Variants in GRIA1 observed in about 807,000 individuals in gnomAD.
GRIA1 encodes the protein glutamate receptor 1.
GRIA1 carries 31 observed loss-of-function variants against 99.2 expected under a neutral mutation model. The observed-to-expected ratio is 0.31, with a 90% CI of 0.23 to 0.42. The LOEUF (loss-of-function observed/expected upper bound fraction) is 0.42. Ranked by LOEUF, GRIA1 falls within the 10% of genes least tolerant of loss-of-function variation. The pLI is 1.00. For synonymous variants in GRIA1, 438 were observed against 432.4 expected (o/e 1.01, Z -0.16); for missense variants, 782 against 1,157.5 (o/e 0.68, Z 4.71).
At chr5:153,586,185 T>C (rs934108023) in intron 2 of GRIA1, among the ~76,000 whole-genome samples, 1 of 152,208 alleles carries the variant, frequency 6.6e-6, no homozygotes, top group African/African-American at 2.4e-5. Context: ...GTTGTAATTC[T>C]TTTACCCTCC....
At chr5:153,767,578 C>T (rs1763598436) in intron 12 of GRIA1, among the ~76,000 whole-genome samples, 1 of 152,134 alleles carries the variant, frequency 6.6e-6, no homozygotes, top group Non-Finnish European at 1.5e-5. Flanking sequence ...ATAATTATCC[C>T]ACCAGGAGTT....
At chr5:153,514,377 GA>G (rs777072877) in intron 2 of GRIA1, among the ~76,000 whole-genome samples, 18 of 152,174 alleles carry the variant, frequency 1.2e-4, no homozygotes, top group Non-Finnish European at 2.4e-4. Flanking sequence ...TAAGGGATGA[GA>G]AAACGGTCCA....
intron 5 of GRIA1, among the ~76,000 whole-genome samples, chr5:153,663,142 C>T (rs140617549): frequency 2.3e-4 from 35 of 152,286 alleles, no homozygotes; most frequent in African/African-American, 7.9e-4. Flanking sequence ...TATTCACCCC[C>T]ATCCTCTGAG....
intron 13 of GRIA1, among the ~76,000 whole-genome samples, chr5:153,774,924 C>T (rs1764118638): frequency 6.6e-6 from 1 of 152,172 alleles, no homozygotes; most frequent in African/African-American, 2.4e-5. Flanking sequence ...GTGGTTCAAT[C>T]CTTGATTTTC....
At chr5:153,550,645 T>G (rs2113539314) in intron 2 of GRIA1, among the ~76,000 whole-genome samples, 1 of 152,310 alleles carries the variant, frequency 6.6e-6, no homozygotes. Flanking sequence ...GCTTAGCATC[T>G]TCATTTTGCT....
intron 11 of GRIA1, among the ~76,000 whole-genome samples, chr5:153,722,487 TGA>T (rs1380500895): frequency 1.3e-5 from 2 of 152,178 alleles, no homozygotes; most frequent in Non-Finnish European, 2.9e-5. Flanking sequence ...TAGGTATGTG[TGA>T]GAGAGAGGGT....
At chr5:153,809,176 A>G (rs1288727429) in intron 15 of GRIA1, among the ~76,000 whole-genome samples, 1 of 152,210 alleles carries the variant, frequency 6.6e-6, no homozygotes, top group Non-Finnish European at 1.5e-5. Context: ...TATAAATAAA[A>G]TGTTATTTTC....
chr5:153,525,614 C>T (rs1256563930), intron 2 of GRIA1: 1 of 151,996 alleles, frequency 6.6e-6, no homozygotes, highest in Non-Finnish European at 1.5e-5. Flanking sequence ...CCTGGATGGG[C>T]TACTCAGAGT....
intron 15 of GRIA1, among the ~76,000 whole-genome samples, chr5:153,805,857 T>G (rs1287383554): frequency 6.6e-6 from 1 of 152,206 alleles, no homozygotes; most frequent in African/African-American, 2.4e-5. Flanking sequence ...ATCATTAATA[T>G]AATGTCTTCC....
chr5:153,758,168 T>C (rs1290806090), intron 11 of GRIA1, among the ~76,000 whole-genome samples: 1 of 151,940 alleles, frequency 6.6e-6, no homozygotes, highest in Non-Finnish European at 1.5e-5. Context: ...TTTTTGAAAC[T>C]AGAAAACATG....
chr5:153,749,138 G>T (rs960884667), intron 11 of GRIA1, among the ~76,000 whole-genome samples: 2 of 152,282 alleles, frequency 1.3e-5, no homozygotes, highest in South Asian at 4.1e-4. Context: ...ACCCAGGAGA[G>T]AGTGGGGCCT....
At chr5:153,772,583 G>T (rs1763952708) in intron 13 of GRIA1, among the ~76,000 whole-genome samples, 1 of 152,136 alleles carries the variant, frequency 6.6e-6, no homozygotes, top group Non-Finnish European at 1.5e-5. Context: ...AAGATACCTG[G>T]AGAAGTGTAG....
intron 2 of GRIA1, among the ~76,000 whole-genome samples, chr5:153,607,104 G>A (rs531981615): frequency 8.2e-5 from 12 of 146,424 alleles, no homozygotes; most frequent in Non-Finnish European, 1.5e-4. Flanking sequence ...TGATTGATGG[G>A]CATTTGCATT....
intron 2 of GRIA1, among the ~76,000 whole-genome samples, chr5:153,607,456 T>C (rs1306447015): frequency 1.3e-5 from 2 of 152,146 alleles, no homozygotes; most frequent in East Asian, 3.9e-4. Flanking sequence ...TCTTTTCTAA[T>C]ATATGCATTT....
rs535168186 is a variant in GRIA1 at position 153,492,420 on chromosome 5, C to T, written c.82+1450C>T. The T allele has an allele frequency of 2.5e-4, 255 of 1,030,390 alleles. 1 individual carries two copies. The African/African-American group carries it at 3.8e-3, about 15-fold the overall frequency. The allele number at this position is 1,030,390 out of a possible 1,614,324, so 63.8% of individuals were successfully genotyped here. A position where few individuals can be genotyped will look rare whatever the true frequency, so the allele number is the denominator to read the frequency against. ...TCTACTCCTCAACCTCCCATCCTTT[C>T]TCTTTCATTCATTGCAGAGGAGGAG... On this transcript the variant is annotated intron_variant, in intron 1 of 15. Coordinates refer to ENST00000285900, the MANE Select transcript of GRIA1 (RefSeq NM_000827.4).
intron 11 of GRIA1, among the ~76,000 whole-genome samples, chr5:153,751,204 C>T (rs923581778): frequency 7.9e-5 from 12 of 152,224 alleles, no homozygotes; most frequent in Non-Finnish European, 1.5e-5. Flanking sequence ...CATCTGAACC[C>T]TGAGCCCATT....
intron 2 of GRIA1, among the ~76,000 whole-genome samples, chr5:153,495,818 A>G (rs1754359744): frequency 6.6e-6 from 1 of 152,106 alleles, no homozygotes; most frequent in Non-Finnish European, 1.5e-5. Context: ...TTTACTTTTT[A>G]ATGTGGCTTT....
chr5:153,650,313 A>G lies in GRIA1; in HGVS notation c.461-17A>G. ...CCTGACTGTCTGTCATTTCTCTTCT[A>G]CTCATCTGAACTTTAGGCTTATCCG... On this transcript the variant is annotated splice_polypyrimidine_tract_variant and intron_variant, in intron 3 of 15. Transcript: ENST00000285900. 6.2e-7 allele frequency: 1 copy of G among 1,607,956 alleles called. No individual in the cohort carries two copies. The highest frequency in any genetic ancestry group is 1.1e-5 in the South Asian group (1 of 90,592).
intron 10 of GRIA1, among the ~76,000 whole-genome samples, chr5:153,704,703 TGTCAAA>T (rs1758768909): frequency 6.6e-6 from 1 of 152,216 alleles, no homozygotes; most frequent in Admixed American, 6.5e-5. Flanking sequence ...CAGAGCAACC[TGTCAAA>T]GTCCTACCCC....
Sources: allele counts gnomAD v4.1 joint callset (sites outside exome capture counted in the v4.1 genomes callset), GRCh38; gene constraint gnomAD v4.1.1; transcripts MANE v1.5; gene names NCBI Gene and HGNC (gene_info 2026-07-23, HGNC 2026-07-21).